The following ADAMTS8 variants were observed in gnomAD, a reference collection of about 807,000 sequenced individuals.
ADAMTS8 encodes A disintegrin and metalloproteinase with thrombospondin motifs 8.
Under a neutral mutation model 64.4 loss-of-function variants are expected in ADAMTS8, and 50 were observed. The observed-to-expected ratio is 0.78, with a 90% CI of 0.62 to 0.98. The LOEUF (loss-of-function observed/expected upper bound fraction) is 0.98, where lower values mean the gene tolerates loss of function less well. ADAMTS8 is among the 50% of genes least tolerant of loss of function. The pLI is 0.00. For synonymous variants in ADAMTS8, 556 were observed against 533.6 expected, an observed-to-expected ratio of 1.04 and a Z score of -0.58; for missense variants, 1,192 against 1,208.2, an observed-to-expected ratio of 0.99 and a Z score of 0.20.
chr11:130,424,809 G>A (rs1862142624), intron 1 of ADAMTS8, among the ~76,000 whole-genome samples: 1 of 152,142 alleles, frequency 6.6e-6, no homozygotes, highest in African/African-American at 2.4e-5. Context: ...AGGGGCCCGA[G>A]GGTGGTCCTG....
Position 130,428,166 on chromosome 11 carries a change from C to G in ADAMTS8, c.121G>C (p.Val41Leu). The G allele has an allele frequency of 1.4e-6, 2 of 1,433,614 alleles. No individual in the cohort carries two copies. Among genetic ancestry groups the G allele is most frequent in the Non-Finnish European group, 9.1e-7 (1 of 1,103,170 alleles). The allele number at this position is 1,433,614 out of a possible 1,614,324, so 88.8% of individuals were successfully genotyped here. A position where few individuals can be genotyped will look rare whatever the true frequency, so the allele number is the denominator to read the frequency against. ...PAAGGQASEL[V>L]VPTRLPGSAG... ...CTGCCGGGCAACCGCGTGGGCACCA[C>G]CAGCTCCGAGGCCTGCCCCCCGGCT... Residue 41 changes from valine (V) to leucine (L), a missense_variant, in exon 1 of 9, where the codon GTG (valine) becomes CTG (leucine). Coordinates refer to ENST00000257359, the MANE Select transcript of ADAMTS8 (RefSeq NM_007037.6).
chr11:130,413,077 G>T (rs1056425498), intron 5 of ADAMTS8, among the ~76,000 whole-genome samples: 3 of 151,596 alleles, frequency 2.0e-5, no homozygotes, highest in Non-Finnish European at 4.4e-5. Context: ...CACCATGTTG[G>T]TGAGGCTGGT....
intron 2 of ADAMTS8, among the ~76,000 whole-genome samples, chr11:130,417,951 T>G (rs1862048214): frequency 7.0e-6 from 1 of 142,480 alleles, no homozygotes. Flanking sequence ...ATTGCTTGAG[T>G]CCAGGAGCTG....
At chr11:130,410,417 C>T (rs1008779519) in intron 6 of ADAMTS8, among the ~76,000 whole-genome samples, 2 of 152,216 alleles carry the variant, frequency 1.3e-5, no homozygotes, top group African/African-American at 4.8e-5. Flanking sequence ...TCCACACCTA[C>T]CTTGCACCCT....
At chr11:130,419,023 T>G in intron 2 of ADAMTS8, 30 bp downstream of exon 2, 2 of 1,612,812 alleles carry the variant, frequency 1.2e-6, no homozygotes, top group Non-Finnish European at 1.7e-6. Flanking sequence ...TCTCCCTTCC[T>G]CCCCAGGGCT....
chr11:130,426,169 T>C (rs1255800396), intron 1 of ADAMTS8, among the ~76,000 whole-genome samples: 2 of 152,134 alleles, frequency 1.3e-5, no homozygotes, highest in African/African-American at 4.8e-5. Context: ...GTCCCTGGGG[T>C]GTAGTCAGCA....
In ADAMTS8 at chr11:130,416,377, G is replaced by T. The variant is rs78438885; in HGVS notation, c.1097-47C>A. The T allele has an allele frequency of 6.7e-7, 1 of 1,492,784 alleles. No individual in the cohort carries two copies. 92.5% of individuals were successfully genotyped at this position (1,492,784 alleles called of 1,614,324 possible). A position where few individuals can be genotyped will look rare whatever the true frequency, so the allele number is the denominator to read the frequency against. On this transcript the variant is annotated intron_variant, in intron 3 of 8. Coordinates refer to ENST00000257359, the MANE Select transcript of ADAMTS8 (RefSeq NM_007037.6). This position sits in a 1 kb window ranked among gnomAD's most constrained non-coding sequence, Gnocchi z 4.8. ...ACTCCGCCCTGTCCTGCCTGAGGGC[G>T]CCCCACCTGGCCCAGCTAGGGACAG...
rs770666720 is a variant in ADAMTS8 at position 130,405,664 on chromosome 11, C to T, written c.2564G>A (p.Arg855Gln). ...SSTCGAGWQR[R>Q]TVECRDPSGQ... ...GGAGGGGTCCCTGCACTCTACAGTT[C>T]GCCTCTGCCAGCCGGCCCCGCAGGT... The change falls in exon 9 of 9, where the codon CGA becomes CAA. Residue 855 changes from arginine (R) to glutamine (Q), a missense_variant. This residue lies in a region of ADAMTS8 where 147 missense variants were observed against 154.1 expected (regional missense o/e 0.95). Transcript: ENST00000257359. 45 of 1,613,928 alleles carry T rather than the reference C, an allele frequency of 2.8e-5. No individual in the cohort carries two copies. The highest frequency in any genetic ancestry group is 1.1e-4 in the East Asian group (5 of 44,892).
chr11:130,427,851 G>A lies in ADAMTS8; in HGVS notation c.436C>T (p.Gln146Ter). 1.3e-6 allele frequency: 2 copies of A among 1,538,352 alleles called. No individual in the cohort carries two copies. The highest frequency in any genetic ancestry group is 1.7e-6 in the Non-Finnish European group (2 of 1,146,336). ...QPQGAGGSLAQPHRLQRWGPA... is the reference protein window; with the variant it reads ...QPQGAGGSLA Reference sequence around the variant, plus strand: ...CCCCAGCGCTGCAGGCGGTGCGGCTGAGCCAGGGAGCCCCCCGCGCCCTGC... The same window carrying A: ...CCCCAGCGCTGCAGGCGGTGCGGCTAAGCCAGGGAGCCCCCCGCGCCCTGC... The change falls in exon 1 of 9, where the codon CAG (glutamine) becomes TAG (stop). Residue 146 changes from glutamine to a stop codon, truncating the protein, a stop_gained. Coordinates refer to ENST00000257359, the MANE Select transcript of ADAMTS8 (RefSeq NM_007037.6). LOFTEE classifies it high-confidence loss of function.
At chr11:130,422,555 T>C (rs1490575247) in intron 1 of ADAMTS8, among the ~76,000 whole-genome samples, 1 of 152,174 alleles carries the variant, frequency 6.6e-6, no homozygotes, top group East Asian at 1.9e-4. Context: ...CATTCCCTCT[T>C]CCTATCTGAC....
chr11:130,406,018 G>C lies in ADAMTS8; in HGVS notation c.2210C>G (p.Thr737Arg), dbSNP rs761177774. 11 of 1,614,222 alleles carry C rather than the reference G, an allele frequency of 6.8e-6. No individual in the cohort carries two copies. The South Asian group carries it at 1.2e-4, about 18-fold the overall frequency. The part of the protein sequence containing the change: ...QNDGNYLALK[T>R]ADGQYLLNGN... ...GTTGAGCAGGTACTGCCCATCAGCC[G>C]TCTTCAGCGCCAGGTAGTTCCCATC... The change falls in exon 9 of 9, where the codon ACG becomes AGG. Residue 737 changes from threonine to arginine, a missense_variant. This residue lies in a region of ADAMTS8 where 290 missense variants were observed against 297.8 expected (regional missense o/e 0.97). Coordinates refer to ENST00000257359, the MANE Select transcript of ADAMTS8 (RefSeq NM_007037.6).
At chr11:130,425,427 G>A (rs1862150971) in intron 1 of ADAMTS8, among the ~76,000 whole-genome samples, 1 of 152,104 alleles carries the variant, frequency 6.6e-6, no homozygotes, top group African/African-American at 2.4e-5. Flanking sequence ...TGGCCCTGAA[G>A]GCTGAAAAAT....
chr11:130,406,049 GCA>G lies in ADAMTS8; in HGVS notation c.2177_2178del (p.Val726AlafsTer13). On this transcript the variant is annotated frameshift_variant, in exon 9 of 9. Coordinates refer to ENST00000257359, the MANE Select transcript of ADAMTS8 (RefSeq NM_007037.6). LOFTEE classifies it low-confidence loss of function (END_TRUNC). The stretch of plus-strand genomic sequence containing the variant: ...AGCGCCAGGTAGTTCCCATCGTTCT[GCA>G]CACCCGGGTGGCTCCGCTGCTTCAC... ...IDVKQRSHPGVQNDGNYLALK... is the reference protein window; with the variant it reads ...IDVKQRSHPGXQNDGNYLALK... The G allele has an allele frequency of 4.3e-6, 7 of 1,614,066 alleles. No homozygotes were observed. The highest frequency in any genetic ancestry group is 5.9e-6 in the Non-Finnish European group (7 of 1,180,044).
At chr11:130,413,884 G>A (rs559632440) in intron 5 of ADAMTS8, among the ~76,000 whole-genome samples, 69 of 152,260 alleles carry the variant, frequency 4.5e-4, no homozygotes, top group Non-Finnish European at 6.2e-4. Context: ...GGCTCCATCT[G>A]TTGTGTGCTC....
In ADAMTS8 at chr11:130,411,615, G is replaced by C; in HGVS notation, c.1567-15C>G. On this transcript the variant is annotated splice_polypyrimidine_tract_variant and intron_variant, in intron 5 of 8. Coordinates refer to ENST00000257359, the MANE Select transcript of ADAMTS8 (RefSeq NM_007037.6). This position sits in a 1 kb window ranked among gnomAD's most constrained non-coding sequence, Gnocchi z 4.2. ...TCTGCCACGGGCTGCAACATACAAT[G>C]GCACACTGAATGAGGAGCAAAGGCC... 1.9e-6 allele frequency: 3 copies of C among 1,613,444 alleles called. No individual in the cohort carries two copies. The highest frequency in any genetic ancestry group is 2.5e-6 in the Non-Finnish European group (3 of 1,179,584).
rs1031537265 is a variant in ADAMTS8, at chr11:130,408,649, G to A, written c.1924-10C>T. On this transcript the variant is annotated splice_polypyrimidine_tract_variant and intron_variant, in intron 7 of 8. Transcript: ENST00000257359. Reference sequence around the variant, plus strand: ...GGGTGCCATCAATCACCTGCAACGGGGAAAGGGAAGGTGAGGGAGGGCGTG... The same window carrying A: ...GGGTGCCATCAATCACCTGCAACGGAGAAAGGGAAGGTGAGGGAGGGCGTG... 1.2e-6 allele frequency: 2 copies of A among 1,613,622 alleles called. No homozygotes were observed. The highest frequency in any genetic ancestry group is 1.7e-6 in the Non-Finnish European group (2 of 1,179,738).
At position 130,416,197 on chromosome 11, in the gene ADAMTS8, G is replaced by T. The variant is rs959037810; in HGVS notation, c.1230C>A (p.Ala410=). Residue 410 remains alanine, a synonymous_variant, in exon 4 of 9, where the codon GCC becomes GCA. Coordinates refer to ENST00000257359, the MANE Select transcript of ADAMTS8 (RefSeq NM_007037.6). The surrounding 1 kb of genome is among the most constrained non-coding windows in gnomAD (Gnocchi z 4.8). ...CGTCCAGAAGCTCTGTGAGATACAT[G>T]GCGCTGCAGGGGGACCAGGGCAGCG... ...NQTLPWSPCS[A]MYLTELLDGG... 1 of 1,597,136 alleles carries T rather than the reference G, an allele frequency of 6.3e-7. No individual in the cohort carries two copies. Among genetic ancestry groups the T allele is most frequent in the Non-Finnish European group, 8.5e-7 (1 of 1,172,478 alleles).
At position 130,427,951 on chromosome 11, in the gene ADAMTS8, C is replaced by T; in HGVS notation, c.336G>A (p.Ser112=). The T allele has an allele frequency of 6.5e-7, 1 of 1,531,892 alleles. No homozygotes were observed. The highest frequency in any genetic ancestry group is 8.7e-7 in the Non-Finnish European group (1 of 1,145,634). The allele number at this position is 1,531,892 out of a possible 1,614,324, so 94.9% of individuals were successfully genotyped here. A position where few individuals can be genotyped will look rare whatever the true frequency, so the allele number is the denominator to read the frequency against. ...FSGTVNGEPE[S]LAAVSLCRGL... ...CGCGGCACAGGCTGACCGCCGCCAG[C>T]GACTCGGGCTCCCCATTCACGGTGC... Residue 112 remains serine (S), a synonymous_variant, in exon 1 of 9, where the codon TCG becomes TCA. Transcript: ENST00000257359.
intron 5 of ADAMTS8, among the ~76,000 whole-genome samples, chr11:130,414,155 C>T (rs1199200345): frequency 2.7e-5 from 4 of 149,012 alleles, no homozygotes; most frequent in Admixed American, 1.3e-4. Flanking sequence ...ACAGGGTCTC[C>T]CTCTGTTGCC....
Sources: allele counts gnomAD v4.1 joint callset (sites outside exome capture counted in the v4.1 genomes callset), GRCh38; gene constraint gnomAD v4.1.1; regional missense constraint gnomAD v4.1.1; non-coding constraint Gnocchi (gnomAD v3.1); transcripts MANE v1.5; gene names NCBI Gene and HGNC (gene_info 2026-07-23, HGNC 2026-07-21).